Variants in ESR1 observed in about 807,000 individuals in gnomAD.
The protein encoded by ESR1 is estrogen receptor.
A neutral mutation model predicts 52.7 loss-of-function variants in ESR1; 12 were observed. That is an observed-to-expected ratio of 0.23 (90% CI 0.15 to 0.37). The LOEUF (loss-of-function observed/expected upper bound fraction) is 0.37. Among genes scored for constraint, ESR1 ranks in the 10% least tolerant of loss-of-function variants. The pLI is 1.00. For synonymous variants in ESR1, 305 were observed against 316.8 expected (o/e 0.96, Z 0.39); for missense variants, 584 against 779.7 (o/e 0.75, Z 2.99).
chr6:151,683,047 G>A (rs1051749115), intron 1 of ESR1, among the ~76,000 whole-genome samples: 1 of 152,174 alleles, frequency 6.6e-6, no homozygotes, highest in African/African-American at 2.4e-5. Context: ...GTGACCTAGT[G>A]ATCCAAATGC....
At chr6:152,072,896 A>G (rs2048461965) in intron 6 of ESR1, among the ~76,000 whole-genome samples, 1 of 152,228 alleles carries the variant, frequency 6.6e-6, no homozygotes, top group African/African-American at 2.4e-5. Flanking sequence ...GAGTTAGACA[A>G]TGTAACCTTC....
intron 4 of ESR1, among the ~76,000 whole-genome samples, chr6:152,008,749 A>G (rs2207231): frequency 0.13 from 20,242 of 151,452 alleles, 1,578 homozygotes; most frequent in East Asian, 0.33. Context: ...GCAATATTAC[A>G]TATAGCAAAT....
At chr6:152,114,341 A>C (rs2051182012) in intron 6 of ESR1, among the ~76,000 whole-genome samples, 1 of 152,156 alleles carries the variant, frequency 6.6e-6, no homozygotes, top group African/African-American at 2.4e-5. Flanking sequence ...GTGGTAGTTT[A>C]GGAAGTTGCG....
At chr6:151,844,101 T>C (rs918742706) in intron 2 of ESR1, among the ~76,000 whole-genome samples, 3 of 151,580 alleles carry the variant, frequency 2.0e-5, no homozygotes, top group Non-Finnish European at 4.4e-5. Flanking sequence ...TCTTTGTGTG[T>C]GTATATATAT....
Position 152,061,396 on chromosome 6 carries a change from T to C in ESR1, c.1369+272T>C, listed in dbSNP as rs1226850140. ...TGCTTTCACAGATAGGATGTTTTTA[T>C]TCAAATGGTACATGTATATAGACAT... is the stretch of plus-strand genomic sequence containing the variant. On this transcript the variant is annotated intron_variant, in intron 6 of 7. Transcript: ENST00000206249. This position sits in a 1 kb window ranked among gnomAD's most constrained non-coding sequence, Gnocchi z 4.3. 6.6e-6 allele frequency among the ~76,000 whole-genome samples: 1 copy of C among 152,224 alleles called. No individual in the cohort carries two copies. Among genetic ancestry groups the C allele is most frequent in the African/African-American group, 2.4e-5 (1 of 41,458 alleles).
At chr6:151,669,997 G>A (rs1562320039) in intron 1 of ESR1, among the ~76,000 whole-genome samples, 1 of 152,154 alleles carries the variant, frequency 6.6e-6, no homozygotes, top group Non-Finnish European at 1.5e-5. Context: ...CTTAGTATTG[G>A]AGGGAGGAAA....
intron 5 of ESR1, among the ~76,000 whole-genome samples, chr6:152,027,917 G>A (rs1425421391): frequency 6.6e-6 from 1 of 152,088 alleles, no homozygotes; most frequent in African/African-American, 2.4e-5. Context: ...GCCGAGGCGG[G>A]TAGATCATAA....
chr6:151,755,278 A>G lies in ESR1; in HGVS notation c.-70-52565A>G, dbSNP rs572428009. 2.6e-5 allele frequency among the ~76,000 whole-genome samples: 4 copies of G among 151,886 alleles called. No homozygotes were observed. The South Asian group carries it at 8.3e-4, about 32-fold the overall frequency. ...GCAAAGAGCAAAACACAAAAAACAT[A>G]TTCCAAATCTCCCCTTTAAACCTCC... On this transcript the variant is annotated intron_variant, in intron 2 of 2. Coordinates refer to the ESR1 transcript ENST00000404742.
At chr6:151,686,701 C>T (rs1320123484), upstream of ESR1, among the ~76,000 whole-genome samples, 1 of 145,258 alleles carries the variant, frequency 6.9e-6, no homozygotes, top group Non-Finnish European at 1.5e-5. Flanking sequence ...ACCAACCAAC[C>T]AACCAACCAA....
intron 4 of ESR1, among the ~76,000 whole-genome samples, chr6:151,982,506 A>T (rs1011382239): frequency 6.6e-6 from 1 of 151,616 alleles, no homozygotes; most frequent in Non-Finnish European, 1.5e-5. Context: ...TTTTCCTGAG[A>T]TGGAGTCTTG....
At chr6:152,024,469 A>G (rs1033298932) in intron 5 of ESR1, among the ~76,000 whole-genome samples, 1 of 151,728 alleles carries the variant, frequency 6.6e-6, no homozygotes, top group Non-Finnish European at 1.5e-5. Context: ...CTTAGGAAGT[A>G]CTGATATCTC....
intron 2 of ESR1, among the ~76,000 whole-genome samples, chr6:151,764,476 T>C (rs1428218068): frequency 2.6e-5 from 4 of 152,020 alleles, no homozygotes; most frequent in Admixed American, 6.5e-5. Context: ...GCACTGCGCT[T>C]GTCAGGACGG....
intron 4 of ESR1, among the ~76,000 whole-genome samples, chr6:151,989,443 A>G (rs1021973787): frequency 1.3e-5 from 2 of 152,064 alleles, no homozygotes; most frequent in Non-Finnish European, 2.9e-5. Flanking sequence ...ATTTATAGTT[A>G]CCTCTGAACC....
chr6:151,985,540 CA>C (rs556588370), intron 4 of ESR1, among the ~76,000 whole-genome samples: 18,884 of 80,956 alleles, frequency 0.23, 1,387 homozygotes, highest in African/African-American at 0.3. Flanking sequence ...AAAACACAAA[CA>C]AAAAAAAAAA....
chr6:152,073,950 TA>T (rs1175294343), intron 6 of ESR1, among the ~76,000 whole-genome samples: 1 of 152,196 alleles, frequency 6.6e-6, no homozygotes, highest in Non-Finnish European at 1.5e-5. Context: ...ATTTTATTTT[TA>T]AAGACTTTAT....
At chr6:152,058,867 G>A (rs547302324) in intron 5 of ESR1, among the ~76,000 whole-genome samples, 1 of 152,232 alleles carries the variant, frequency 6.6e-6, no homozygotes, top group African/African-American at 2.4e-5. Flanking sequence ...TCTTTTGGTT[G>A]ATAAGCAATG....
At chr6:151,676,927 A>G (rs1401770651) in intron 1 of ESR1, among the ~76,000 whole-genome samples, 1 of 152,236 alleles carries the variant, frequency 6.6e-6, no homozygotes, top group African/African-American at 2.4e-5. Flanking sequence ...TGTGTAACGC[A>G]GTTTGGAGAT....
intron 5 of ESR1, among the ~76,000 whole-genome samples, chr6:152,040,979 C>G (rs1254974063): frequency 6.6e-6 from 1 of 152,210 alleles, no homozygotes; most frequent in Non-Finnish European, 1.5e-5. Context: ...GCACAACCCA[C>G]TTTATGGCTA....
chr6:151,761,315 A>ATACT (rs1202366187), intron 2 of ESR1, among the ~76,000 whole-genome samples: 1 of 152,144 alleles, frequency 6.6e-6, no homozygotes, highest in African/African-American at 2.4e-5. Context: ...TTCTCATGGA[A>ATACT]TACTTTAAAA....
Sources: allele counts gnomAD v4.1 joint callset (sites outside exome capture counted in the v4.1 genomes callset), GRCh38; gene constraint gnomAD v4.1.1; non-coding constraint Gnocchi (gnomAD v3.1); transcripts MANE v1.5; gene names NCBI Gene and HGNC (gene_info 2026-07-23, HGNC 2026-07-21).